WDR88: variants seen among roughly 807,000 people sequenced by gnomAD.
WDR88 encodes WD repeat domain 88.
WDR88 carries 40 observed loss-of-function variants against 46.8 expected under a neutral mutation model. The observed-to-expected ratio is 0.86, with a 90% CI of 0.66 to 1.11. The LOEUF is 1.11. WDR88 is among the 50% of genes most tolerant of loss of function. The probability of loss-of-function intolerance (pLI) is 0.00; values close to 1 mark genes in which losing one functional copy is unlikely to be tolerated. For synonymous variants in WDR88, 235 were observed against 240.7 expected, an observed-to-expected ratio of 0.98 and a Z score of 0.22; for missense variants, 562 against 602.4, an observed-to-expected ratio of 0.93 and a Z score of 0.70.
chr19:33,135,511 C>T (rs1193463704), intron 1 of WDR88, among the ~76,000 whole-genome samples: 1 of 152,108 alleles, frequency 6.6e-6, no homozygotes, highest in Non-Finnish European at 1.5e-5. Flanking sequence ...CTCTGCCTCC[C>T]AGGTTCAAGC....
At chr19:33,143,647 A>ATC (rs1973449252) in intron 2 of WDR88, among the ~76,000 whole-genome samples, 5 of 148,748 alleles carry the variant, frequency 3.4e-5, no homozygotes, top group Admixed American at 2.0e-4. Context: ...CCTCTCTCAA[A>ATC]AAAAAAAAAA....
chr19:33,159,259 C>G lies in WDR88; in HGVS notation c.998-1155C>G, dbSNP rs1205451725. On this transcript the variant is annotated intron_variant, in intron 7 of 10. Coordinates refer to ENST00000355868, the MANE Select transcript of WDR88 (RefSeq NM_173479.4). ...CTGAAGTGGGAGGATTGCTTGAGAC[C>G]AGGAGTTTGAAGCTGCTGTGAGCTG... Among the ~76,000 whole-genome samples, 9 of 151,660 alleles carry G rather than the reference C, an allele frequency of 5.9e-5. 1 individual carries two copies. In the East Asian group the frequency reaches 1.8e-3, roughly 30 times the overall value.
intron 8 of WDR88, among the ~76,000 whole-genome samples, chr19:33,163,657 T>G (rs2145414330): frequency 6.6e-6 from 1 of 151,034 alleles, no homozygotes. Context: ...TTTTTTTTTT[T>G]GAGACAGTCT....
At chr19:33,136,382 G>A (rs1284945167) in intron 1 of WDR88, among the ~76,000 whole-genome samples, 1 of 151,118 alleles carries the variant, frequency 6.6e-6, no homozygotes, top group African/African-American at 2.4e-5. Context: ...GTAGAGATGG[G>A]GTTTTGCCAT....
intron 5 of WDR88, 96 bp downstream of exon 5, chr19:33,149,006 A>T (rs1973577236): frequency 6.4e-7 from 1 of 1,555,980 alleles, no homozygotes; most frequent in Non-Finnish European, 8.7e-7. Context: ...ATTTGGTGAA[A>T]CTGTAATGGT....
chr19:33,143,096 G>A (rs1973434658), intron 2 of WDR88, among the ~76,000 whole-genome samples: 1 of 151,816 alleles, frequency 6.6e-6, no homozygotes, highest in Admixed American at 6.6e-5. Context: ...TTGGGAGGCC[G>A]AGGTGAGAGG....
In WDR88 at chr19:33,175,516, T is replaced by A. The variant is rs1228105144; in HGVS notation, c.1363T>A (p.Ser455Thr). 6.2e-7 allele frequency: 1 copy of A among 1,614,180 alleles called. No homozygotes were observed. The highest frequency in any genetic ancestry group is 1.7e-5 in the Admixed American group (1 of 60,024). The stretch of plus-strand genomic sequence containing the variant: ...CTTGCCAGCAGATACTTCATCGTCA[T>A]CATCATCATCGGAAAGGGAGAACTC... Reference protein sequence around the residue: ...RGLPADTSSSSSSSERENSPP... With the variant: ...RGLPADTSSSTSSSERENSPP... Residue 455 changes from serine (S) to threonine (T), a missense_variant, in exon 11 of 11, where the codon TCA becomes ACA. Physicochemically the swap from Ser to Thr is moderately conservative, Grantham distance 58 (BLOSUM62 1). Coordinates refer to ENST00000355868, the MANE Select transcript of WDR88 (RefSeq NM_173479.4).
chr19:33,144,895 C>T lies in WDR88; in HGVS notation c.439C>T (p.Pro147Ser), dbSNP rs761688962. ...CGATTTTGAGCACAGGCCCAAAGCT[C>T]CTGTTGTAGAGTGCAGCATCACCGG... The part of the protein sequence containing the change: ...VRDFEHRPKA[P>S]VVECSITGDS... The change falls in exon 3 of 11, where the codon CCT (proline) becomes TCT (serine). Residue 147 changes from proline to serine, a missense_variant. Pro to Ser is a moderately conservative substitution (Grantham distance 74). Coordinates refer to ENST00000355868, the MANE Select transcript of WDR88 (RefSeq NM_173479.4). The T allele has an allele frequency of 2.5e-6, 4 of 1,613,594 alleles. No homozygotes were observed. The African/African-American group carries it at 5.3e-5, about 22-fold the overall frequency.
intron 2 of WDR88, among the ~76,000 whole-genome samples, chr19:33,140,175 G>C (rs1973360460): frequency 6.6e-6 from 1 of 152,138 alleles, no homozygotes; most frequent in Non-Finnish European, 1.5e-5. Flanking sequence ...TTGTTTTAGA[G>C]ACAGAGTCTT....
chr19:33,144,595 A>C (rs768568602), intron 2 of WDR88, among the ~76,000 whole-genome samples: 15 of 152,086 alleles, frequency 9.9e-5, no homozygotes, highest in Non-Finnish European at 1.5e-4. Context: ...GCCAGTTTCC[A>C]CCTGGTGTCT....
At chr19:33,160,177 T>C (rs973153405) in intron 7 of WDR88, among the ~76,000 whole-genome samples, 1 of 152,150 alleles carries the variant, frequency 6.6e-6, no homozygotes, top group East Asian at 1.9e-4. Flanking sequence ...CAACAGGCCA[T>C]GGATTGGTAC....
intron 9 of WDR88, among the ~76,000 whole-genome samples, chr19:33,169,949 C>T (rs1402998971): frequency 6.6e-6 from 1 of 152,064 alleles, no homozygotes; most frequent in Non-Finnish European, 1.5e-5. Flanking sequence ...ACAATCTTGG[C>T]TCACCGCAAC....
intron 7 of WDR88, among the ~76,000 whole-genome samples, chr19:33,158,445 GAAA>G (rs573489432): frequency 6.7e-6 from 1 of 148,282 alleles, no homozygotes; most frequent in Non-Finnish European, 1.5e-5. Flanking sequence ...AAAAAAGAAA[GAAA>G]AAAAAAAGAA....
intron 2 of WDR88, among the ~76,000 whole-genome samples, chr19:33,139,813 TACAC>T (rs111934254): frequency 6.6e-6 from 1 of 150,420 alleles, no homozygotes; most frequent in Non-Finnish European, 1.5e-5. Context: ...AAAATATGCA[TACAC>T]ACACACACAC....
At chr19:33,174,468 C>T in intron 10 of WDR88, 5 of 985,402 alleles carry the variant, frequency 5.1e-6, no homozygotes, top group Non-Finnish European at 6.0e-6. Context: ...CCTAGGAGAC[C>T]TCATCCCATG....
chr19:33,132,121 C>T lies in WDR88; in HGVS notation c.-49C>T, dbSNP rs1380676713. 3.3e-6 allele frequency: 5 copies of T among 1,516,552 alleles called. No homozygotes were observed. The highest frequency in any genetic ancestry group is 4.7e-4 in the Middle Eastern group (2 of 4,238). 93.9% of individuals were successfully genotyped at this position (1,516,552 alleles called of 1,614,324 possible). On this transcript the variant is annotated 5_prime_UTR_variant, in exon 1 of 11. Coordinates refer to ENST00000355868, the MANE Select transcript of WDR88 (RefSeq NM_173479.4). ...GCGCGGGCGCGGGCGCGCGGCGCCA[C>T]CGTTCCCATCCAGGCTTGTCGGCGG...
chr19:33,174,099 G>A (rs1188191238), intron 10 of WDR88: 48 of 1,459,540 alleles, frequency 3.3e-5, no homozygotes, highest in East Asian at 9.9e-5. Context: ...TGATCCGCCC[G>A]CCTCAGCCTC....
chr19:33,137,236 G>C (rs1203522467), intron 1 of WDR88, among the ~76,000 whole-genome samples: 1 of 146,542 alleles, frequency 6.8e-6, no homozygotes, highest in African/African-American at 2.5e-5. Flanking sequence ...ACAGGGATGA[G>C]CCACCGTGCC....
In WDR88 at chr19:33,132,352, G is replaced by C. The variant is rs751076509; in HGVS notation, c.183G>C (p.Leu61=). 1 of 1,614,132 alleles carries C rather than the reference G, an allele frequency of 6.2e-7. No individual in the cohort carries two copies. The highest frequency in any genetic ancestry group is 1.1e-5 in the South Asian group (1 of 91,090). The change falls in exon 1 of 11, where the codon CTG becomes CTC. Residue 61 remains leucine, a synonymous_variant. Transcript: ENST00000355868. ...HTHLLATLDP[L]ALDREPPPHL... is the part of the protein sequence containing the mutation. ...ACCTGCTGGCCACCCTCGACCCCCTGGCCTTGGACAGGGAACCACCACCGC... is the reference window on the plus strand; with the variant it reads ...ACCTGCTGGCCACCCTCGACCCCCTCGCCTTGGACAGGGAACCACCACCGC...
Sources: allele counts gnomAD v4.1 joint callset (sites outside exome capture counted in the v4.1 genomes callset), GRCh38; gene constraint gnomAD v4.1.1; transcripts MANE v1.5; gene names NCBI Gene and HGNC (gene_info 2026-07-23, HGNC 2026-07-21).